The following VDAC1 variants were observed in gnomAD, a reference collection of about 807,000 sequenced individuals.
VDAC1 encodes the protein voltage dependent anion channel 1, also known as non-selective voltage-gated ion channel VDAC1.
Under a neutral mutation model 34.7 loss-of-function variants are expected in VDAC1, and 10 were observed. That is an observed-to-expected ratio of 0.29 (90% CI 0.18 to 0.49). The LOEUF (loss-of-function observed/expected upper bound fraction) is 0.49, where lower values mean the gene tolerates loss of function less well. VDAC1 is among the 20% of genes least tolerant of loss of function. The pLI is 0.99. For missense variants in VDAC1, 230 were observed against 347.9 expected, an observed-to-expected ratio of 0.66 and a Z score of 2.69; for synonymous variants, 130 against 136.0, an observed-to-expected ratio of 0.96 and a Z score of 0.30.
the VDAC1 span, among the ~76,000 whole-genome samples, chr5:134,112,491 C>T: frequency 6.6e-6 from 1 of 152,308 alleles, no homozygotes; most frequent in African/African-American, 2.4e-5. Context: ...TCCCACTCTC[C>T]CTACTCACCC....
chr5:134,021,114 G>A, the VDAC1 span, among the ~76,000 whole-genome samples: 23,010 of 151,962 alleles, frequency 0.15, 1,925 homozygotes, highest in East Asian at 0.32. Flanking sequence ...CCTGAACCCC[G>A]GGAGGTCAAG....
the VDAC1 span, among the ~76,000 whole-genome samples, chr5:134,088,035 A>G: frequency 1.3e-5 from 2 of 150,918 alleles, no homozygotes; most frequent in African/African-American, 2.4e-5. Flanking sequence ...CGTGCCTGTA[A>G]TCCCAGCTAC....
At chr5:134,112,643 C>G in the VDAC1 span, among the ~76,000 whole-genome samples, 1 of 152,106 alleles carries the variant, frequency 6.6e-6, no homozygotes, top group African/African-American at 2.4e-5. Flanking sequence ...TCCTTATGTT[C>G]TTTCACCAAA....
the VDAC1 span, among the ~76,000 whole-genome samples, chr5:134,071,773 T>G: frequency 4.6e-5 from 7 of 152,230 alleles, no homozygotes; most frequent in Non-Finnish European, 8.8e-5. This position sits in a 1 kb window ranked among gnomAD's most constrained non-coding sequence, Gnocchi z 4.1. Context: ...GGTGGGGTGC[T>G]GGATCCTGGA....
chr5:134,063,443 G>A, the VDAC1 span, among the ~76,000 whole-genome samples: 1 of 152,132 alleles, frequency 6.6e-6, no homozygotes, highest in Non-Finnish European at 1.5e-5. Flanking sequence ...CTCCCACATT[G>A]ATTCAGTGAT....
chr5:133,983,376 TAA>T (rs990940092), intron 5 of VDAC1, among the ~76,000 whole-genome samples: 4 of 152,040 alleles, frequency 2.6e-5, no homozygotes, highest in African/African-American at 9.7e-5. Flanking sequence ...CAGCTGAAAT[TAA>T]GTGTTGTTAT....
At chr5:134,024,893 C>G in the VDAC1 span, among the ~76,000 whole-genome samples, 1 of 152,338 alleles carries the variant, frequency 6.6e-6, no homozygotes, top group Admixed American at 6.5e-5. Flanking sequence ...CCCCTACCCC[C>G]TAGCCAGCTG....
the VDAC1 span, among the ~76,000 whole-genome samples, chr5:134,067,750 C>T: frequency 6.6e-6 from 1 of 151,968 alleles, no homozygotes; most frequent in Non-Finnish European, 1.5e-5. Context: ...ACTCTTGCAG[C>T]TTATACTTCC....
At chr5:134,003,304 C>T (rs1474814303) in intron 1 of VDAC1, among the ~76,000 whole-genome samples, 2 of 152,234 alleles carry the variant, frequency 1.3e-5, no homozygotes, top group East Asian at 1.9e-4. Context: ...TCTGCTCTGG[C>T]CTTCTCCTGC....
the VDAC1 span, among the ~76,000 whole-genome samples, chr5:134,039,393 A>G: frequency 2.6e-5 from 4 of 152,096 alleles, no homozygotes; most frequent in Non-Finnish European, 5.9e-5. Flanking sequence ...CAGTGGCGCA[A>G]TCTCGGCTCA....
At chr5:134,077,483 G>A in the VDAC1 span, among the ~76,000 whole-genome samples, 1 of 152,130 alleles carries the variant, frequency 6.6e-6, no homozygotes, top group Non-Finnish European at 1.5e-5. Flanking sequence ...TCAGGAGAGA[G>A]GGATCTATGA....
intron 1 of VDAC1, among the ~76,000 whole-genome samples, chr5:133,993,369 A>C (rs979299459): frequency 3.9e-5 from 6 of 152,380 alleles, no homozygotes; most frequent in African/African-American, 1.2e-4. Flanking sequence ...CAGTGACTTT[A>C]CTGAATTGTA....
intron 5 of VDAC1, among the ~76,000 whole-genome samples, chr5:133,987,797 G>A (rs949725861): frequency 6.6e-5 from 10 of 152,220 alleles, no homozygotes; most frequent in African/African-American, 2.4e-4. Flanking sequence ...GAGAAAAATA[G>A]TAGCTTTACA....
the VDAC1 span, among the ~76,000 whole-genome samples, chr5:134,043,849 C>T: frequency 6.6e-6 from 1 of 152,122 alleles, no homozygotes; most frequent in African/African-American, 2.4e-5. Context: ...GACTTTTATC[C>T]AGTGCCTGCA....
At chr5:134,007,784 T>G (rs1010539484), upstream of VDAC1, among the ~76,000 whole-genome samples, 5 of 152,226 alleles carry the variant, frequency 3.3e-5, no homozygotes, top group Admixed American at 3.3e-4. Context: ...GAGCAGCCGC[T>G]GCAGAGGGTG....
At chr5:134,065,465 C>G in the VDAC1 span, among the ~76,000 whole-genome samples, 1 of 151,238 alleles carries the variant, frequency 6.6e-6, no homozygotes, top group Non-Finnish European at 1.5e-5. Context: ...TTCAGCCTCC[C>G]GAGTAGCTGG....
chr5:134,043,572 G>C, the VDAC1 span, among the ~76,000 whole-genome samples: 18 of 151,462 alleles, frequency 1.2e-4, no homozygotes, highest in Admixed American at 6.6e-5. Flanking sequence ...TCACTCTGTT[G>C]CCCAGGCTGG....
chr5:134,085,219 C>G, the VDAC1 span, among the ~76,000 whole-genome samples: 1 of 152,086 alleles, frequency 6.6e-6, no homozygotes, highest in Non-Finnish European at 1.5e-5. Flanking sequence ...CAGGTGCCCA[C>G]CACCACGCCC....
At chr5:133,986,137 G>A (rs865787550) in intron 5 of VDAC1, among the ~76,000 whole-genome samples, 1 of 152,328 alleles carries the variant, frequency 6.6e-6, no homozygotes, top group Non-Finnish European at 1.5e-5. Flanking sequence ...ACAAGCACCC[G>A]AGAGAGGCCT....
Sources: allele counts gnomAD v4.1 joint callset (sites outside exome capture counted in the v4.1 genomes callset), GRCh38; gene constraint gnomAD v4.1.1; non-coding constraint Gnocchi (gnomAD v3.1); transcripts MANE v1.5; gene names NCBI Gene and HGNC (gene_info 2026-07-23, HGNC 2026-07-21).